ZNF432: variants seen among roughly 807,000 people sequenced by gnomAD.
The protein encoded by ZNF432 is zinc finger protein 432.
Under a neutral mutation model 13.9 loss-of-function variants are expected in ZNF432, and 10 were observed. That is an observed-to-expected ratio of 0.72 (90% CI 0.44 to 1.22). The LOEUF (loss-of-function observed/expected upper bound fraction) is 1.22. Ranked by LOEUF, ZNF432 falls within the 50% of genes most tolerant of loss-of-function variation. ZNF432 has a pLI of 0.00. For missense variants in ZNF432, 793 were observed against 796.2 expected, an observed-to-expected ratio of 1.00 and a Z score of 0.05; for synonymous variants, 247 against 256.2, an observed-to-expected ratio of 0.96 and a Z score of 0.34.
chr19:52,043,520 A>AAGACCTGACC (rs1218844379), intron 2 of ZNF432, among the ~76,000 whole-genome samples: 1 of 151,924 alleles, frequency 6.6e-6, no homozygotes, highest in Non-Finnish European at 1.5e-5. Context: ...TGGGAAGGGA[A>AAGACCTGACC]AGACCTGACC....
chr19:52,041,456 G>A (rs2123156021), intron 3 of ZNF432, 24 bp downstream of exon 3: 13 of 1,570,808 alleles, frequency 8.3e-6, no homozygotes, highest in Non-Finnish European at 1.1e-5. Flanking sequence ...CACCCTCCAG[G>A]TGACACAGAG....
rs115184158 is a variant in ZNF432 at position 52,046,831 on chromosome 19, G to T, written c.15+23C>A. On this transcript the variant is annotated intron_variant, in intron 2 of 4. Transcript: ENST00000221315. ...CAAATCCACTATGGAATAAAGGAGAGAATAAAATAGAGAAAAAGTCACCTG... is the reference window on the plus strand; with the variant it reads ...CAAATCCACTATGGAATAAAGGAGATAATAAAATAGAGAAAAAGTCACCTG... The T allele has an allele frequency of 1.0e-3, 1,665 of 1,612,766 alleles. 9 individuals carry two copies. In the African/African-American group the frequency reaches 0.019, roughly 18 times the overall value.
intron 3 of ZNF432, 131 bp downstream of exon 3, chr19:52,041,349 T>C (rs889575726): frequency 5.3e-5 from 65 of 1,222,424 alleles, no homozygotes; most frequent in Non-Finnish European, 6.7e-5. Flanking sequence ...TATATCCTTT[T>C]ATCAGAAGCC....
At chr19:52,048,672 C>CA (rs1248778165) in intron 1 of ZNF432, 23 bp downstream of exon 1, 1 of 152,710 alleles carries the variant, frequency 6.5e-6, no homozygotes, top group African/African-American at 2.4e-5. Context: ...ACCACGTTTC[C>CA]ACGCCCTGAC....
rs755899101 is a variant in ZNF432 at position 52,035,271 on chromosome 19, A to G, written c.408T>C (p.Thr136=). 1.9e-6 allele frequency: 3 copies of G among 1,605,274 alleles called. No homozygotes were observed. The highest frequency in any genetic ancestry group is 2.5e-6 in the Non-Finnish European group (3 of 1,177,656). The part of the protein sequence containing the change: ...NHDTFELYIK[T]LKSNLSLVNQ... ...TGACTAAACTTAAATTTGATTTCAAAGTTTTTATATATAACTCAAATGTAT... is the reference window on the plus strand; with the variant it reads ...TGACTAAACTTAAATTTGATTTCAAGGTTTTTATATATAACTCAAATGTAT... The change falls in exon 5 of 5, where the codon ACT becomes ACC. Residue 136 remains threonine (T), a synonymous_variant. Coordinates refer to ENST00000221315, the MANE Select transcript of ZNF432 (RefSeq NM_014650.4).
rs762391614 is a variant in ZNF432 at position 52,033,981 on chromosome 19, C to A, written c.1698G>T (p.Glu566Asp). Residue 566 changes from glutamate to aspartate, a missense_variant, in exon 5 of 5, where the codon GAG (glutamate) becomes GAT (aspartate). By Grantham distance (45) the Glu-to-Asp change is conservative. Coordinates refer to ENST00000221315, the MANE Select transcript of ZNF432 (RefSeq NM_014650.4). Reference sequence around the variant, plus strand: ...CACATTCACTACATATACAAGATTTCTCTTCTGTATGAATTTGCTGATGTA... The same window carrying A: ...CACATTCACTACATATACAAGATTTATCTTCTGTATGAATTTGCTGATGTA... ...LIVHQQIHTE[E>D]KSCICSECGR... 10 of 1,614,132 alleles carry A rather than the reference C, an allele frequency of 6.2e-6. No individual in the cohort carries two copies. The Admixed American group carries it at 8.3e-5, about 13-fold the overall frequency.
intron 3 of ZNF432, among the ~76,000 whole-genome samples, chr19:52,041,244 T>C (rs1033731583): frequency 3.3e-5 from 5 of 152,180 alleles, no homozygotes; most frequent in African/African-American, 1.2e-4. Context: ...TATATGCAAA[T>C]ACAATGCCAT....
In ZNF432 at chr19:52,035,030, T is replaced by C; in HGVS notation, c.649A>G (p.Lys217Glu). The change falls in exon 5 of 5, where the codon AAG becomes GAG. Residue 217 changes from lysine (K) to glutamate (E), a missense_variant. By Grantham distance (56) the Lys-to-Glu change is moderately conservative (BLOSUM62 1). Transcript: ENST00000221315. Reference sequence around the variant, plus strand: ...CTCTCATGATCAGTGAGCTGAGACTTCTTGACAAACGCTTTCCCACATTCA... The same window carrying C: ...CTCTCATGATCAGTGAGCTGAGACTCCTTGACAAACGCTTTCCCACATTCA... ...CSECGKAFVK[K>E]SQLTDHERVH... 1 of 1,614,220 alleles carries C rather than the reference T, an allele frequency of 6.2e-7. No homozygotes were observed. The highest frequency in any genetic ancestry group is 8.5e-7 in the Non-Finnish European group (1 of 1,180,030).
intron 4 of ZNF432, among the ~76,000 whole-genome samples, chr19:52,037,594 C>G (rs1285794505): frequency 6.6e-6 from 1 of 152,040 alleles, no homozygotes; most frequent in Non-Finnish European, 1.5e-5. Context: ...CTCTGGAGTT[C>G]CAGACCAGCC....
At chr19:52,048,182 C>CACACAAAA (rs1482172095) in intron 1 of ZNF432, among the ~76,000 whole-genome samples, 13 of 146,312 alleles carry the variant, frequency 8.9e-5, no homozygotes, top group Admixed American at 2.7e-4. Context: ...CACACACACA[C>CACACAAAA]AAAACCAGCC....
chr19:52,031,474 G>T lies in ZNF432; in HGVS notation c.*2246C>A, dbSNP rs2087012980. On this transcript the variant is annotated 3_prime_UTR_variant, in exon 5 of 5. Transcript: ENST00000221315. ...AACAGTGAATGGATACACAAACCCT[G>T]GTGCATCCATTTAAAAGAATACTAA... 6.6e-6 allele frequency: 1 copy of T among 152,026 alleles called. No homozygotes were observed. The highest frequency in any genetic ancestry group is 2.4e-5 in the African/African-American group (1 of 41,376). 9.4% of individuals were successfully genotyped at this position (152,026 alleles called of 1,614,324 possible). A position where few individuals can be genotyped will look rare whatever the true frequency, so the allele number is the denominator to read the frequency against.
intron 2 of ZNF432, among the ~76,000 whole-genome samples, chr19:52,046,069 C>G (rs935397308): frequency 7.9e-6 from 1 of 126,454 alleles, no homozygotes; most frequent in Non-Finnish European, 1.7e-5. Flanking sequence ...TATGTAATTA[C>G]AAAAAATAAA....
chr19:52,039,880 T>G (rs898420255), intron 4 of ZNF432, among the ~76,000 whole-genome samples: 9 of 150,922 alleles, frequency 6.0e-5, no homozygotes, highest in African/African-American at 2.2e-4. Flanking sequence ...GATTAGTGAT[T>G]GCCTAGGGCT....
intron 4 of ZNF432, 51 bp from the exon 5 acceptor site, chr19:52,035,491 A>C: frequency 7.2e-7 from 1 of 1,386,656 alleles, no homozygotes; most frequent in Non-Finnish European, 9.6e-7. Context: ...TGGGGATAAA[A>C]CTGTCTTCTT....
rs185753807 is a variant in ZNF432, at chr19:52,044,690, T to C, written c.15+2164A>G. Among the ~76,000 whole-genome samples the C allele has an allele frequency of 1.7e-3, 256 of 152,228 alleles. 3 individuals are homozygous for C. The highest frequency in any genetic ancestry group is 0.014 in the Admixed American group (221 of 15,286). ...CAAAAGAATATTGGATCATTGAAAA[T>C]TGTATAATTTGATAATGTCATATTT... On this transcript the variant is annotated intron_variant, in intron 2 of 4. Coordinates refer to ENST00000221315, the MANE Select transcript of ZNF432 (RefSeq NM_014650.4).
At chr19:52,040,627 T>C in intron 3 of ZNF432, 44 bp from the exon 4 acceptor site, 1 of 1,521,312 alleles carries the variant, frequency 6.6e-7, no homozygotes, top group South Asian at 1.1e-5. Flanking sequence ...TGGATTGGGC[T>C]GGGGTATGTA....
Position 52,045,378 on chromosome 19 carries a change from C to T in ZNF432, c.15+1476G>A, listed in dbSNP as rs572470285. On this transcript the variant is annotated intron_variant, in intron 2 of 4. Coordinates refer to ENST00000221315, the MANE Select transcript of ZNF432 (RefSeq NM_014650.4). ...TTTTTTTTTTTTTTTTTTTTCGAGA[C>T]GGAGTTTCGCTCTTGTTGCCCAGGC... Among the ~76,000 whole-genome samples the T allele has an allele frequency of 5.2e-4, 57 of 108,580 alleles. 2 individuals are homozygous for T. The Admixed American group carries it at 5.7e-3, about 11-fold the overall frequency. 71.2% of individuals were successfully genotyped at this position (108,580 alleles called of 152,430 possible). A position where few individuals can be genotyped will look rare whatever the true frequency, so the allele number is the denominator to read the frequency against.
chr19:52,037,791 A>G (rs73066144), intron 4 of ZNF432, among the ~76,000 whole-genome samples: 119 of 98,692 alleles, frequency 1.2e-3, no homozygotes, highest in Middle Eastern at 5.0e-3. Flanking sequence ...CTCTACCTTA[A>G]AAAAAAAAAA....
intron 4 of ZNF432, among the ~76,000 whole-genome samples, chr19:52,036,988 A>T (rs1475320061): frequency 6.6e-6 from 1 of 152,192 alleles, no homozygotes; most frequent in Non-Finnish European, 1.5e-5. Context: ...CATGTTGAGA[A>T]GACATGTAGA....
Sources: gnomAD v4.1 joint callset for allele counts (sites outside exome capture counted in the v4.1 genomes callset) on GRCh38, gnomAD v4.1.1 for gene constraint, MANE v1.5 for transcripts, NCBI Gene and HGNC (gene_info 2026-07-23, HGNC 2026-07-21) for gene names.